The following CSMD1 variants were observed in gnomAD, a reference collection of about 807,000 sequenced individuals.
CSMD1 encodes CUB and sushi domain-containing protein 1.
CSMD1 carries 213 observed loss-of-function variants against 417.5 expected under a neutral mutation model. The ratio of observed to expected loss-of-function variants is 0.51; its 90% CI spans 0.46 to 0.57. The LOEUF (loss-of-function observed/expected upper bound fraction) is 0.57, where lower values mean the gene tolerates loss of function less well. Among genes scored for constraint, CSMD1 ranks in the 20% least tolerant of loss-of-function variants. The pLI is 0.00. For synonymous variants in CSMD1, 2,862 were observed against 1,736.8 expected (o/e 1.65, Z -16.11); for missense variants, 6,923 against 4,529.7 (o/e 1.53, Z -15.17).
chr8:3,315,426 T>A (rs1310699295), intron 23 of CSMD1, among the ~76,000 whole-genome samples: 1 of 102,360 alleles, frequency 9.8e-6, no homozygotes, highest in Non-Finnish European at 2.1e-5. Context: ...AATGAAATTC[T>A]AGGTGAAGTG....
chr8:4,569,023 T>C (rs1262244220), intron 2 of CSMD1, among the ~76,000 whole-genome samples: 1 of 152,190 alleles, frequency 6.6e-6, no homozygotes, highest in Non-Finnish European at 1.5e-5. Context: ...ATTAACTCTT[T>C]GTCAGATGGA....
chr8:3,860,256 C>A (rs922639690), intron 5 of CSMD1, among the ~76,000 whole-genome samples: 1 of 152,196 alleles, frequency 6.6e-6, no homozygotes, highest in Non-Finnish European at 1.5e-5. Context: ...TCAGTCAGAC[C>A]ATTGTGAAGT....
intron 3 of CSMD1, among the ~76,000 whole-genome samples, chr8:4,302,384 G>T (rs4313177): frequency 0.73 from 111,210 of 152,082 alleles, 40,779 homozygotes; most frequent in East Asian, 0.85. Context: ...ATACTATTCA[G>T]GCACTAGTTG....
intron 3 of CSMD1, among the ~76,000 whole-genome samples, chr8:4,082,835 A>C (rs576670227): frequency 7.2e-6 from 1 of 138,034 alleles, no homozygotes; most frequent in Non-Finnish European, 1.5e-5. Flanking sequence ...TCATTATTCA[A>C]TTTCCACCTA....
At chr8:4,814,969 CTCA>C (rs1483454941) in intron 1 of CSMD1, among the ~76,000 whole-genome samples, 2 of 152,002 alleles carry the variant, frequency 1.3e-5, no homozygotes, top group Non-Finnish European at 2.9e-5. Context: ...CTGATGGATC[CTCA>C]TATTTCATAA....
intron 5 of CSMD1, among the ~76,000 whole-genome samples, chr8:3,782,879 T>A (rs912868756): frequency 5.9e-5 from 9 of 152,184 alleles, no homozygotes; most frequent in Non-Finnish European, 1.3e-4. Context: ...TACTATACCG[T>A]GAGCCATTAC....
At chr8:4,067,666 C>G (rs1000426997) in intron 3 of CSMD1, among the ~76,000 whole-genome samples, 3 of 152,122 alleles carry the variant, frequency 2.0e-5, no homozygotes, top group Non-Finnish European at 2.9e-5. Context: ...AAAATGCAGT[C>G]TCACCACCTA....
chr8:4,044,922 A>T (rs1214820739), intron 3 of CSMD1, among the ~76,000 whole-genome samples: 1 of 142,058 alleles, frequency 7.0e-6, no homozygotes, highest in Non-Finnish European at 1.6e-5. Context: ...AGTTAAATTT[A>T]AAAAAATGTC....
chr8:4,204,563 A>G (rs551048721), intron 3 of CSMD1, among the ~76,000 whole-genome samples: 14 of 152,320 alleles, frequency 9.2e-5, no homozygotes, highest in Admixed American at 8.5e-4. Flanking sequence ...CACCTTTTCT[A>G]TACTGAGAGG....
At chr8:3,622,522 A>T (rs1023827441) in intron 7 of CSMD1, among the ~76,000 whole-genome samples, 3 of 152,208 alleles carry the variant, frequency 2.0e-5, no homozygotes, top group Admixed American at 6.5e-5. Flanking sequence ...TTGGGCAAAA[A>T]CACTCTGGAT....
chr8:4,650,351 A>G (rs1803817447), intron 1 of CSMD1, among the ~76,000 whole-genome samples: 1 of 137,486 alleles, frequency 7.3e-6, no homozygotes, highest in Non-Finnish European at 1.5e-5. Flanking sequence ...TCTCAAGAAA[A>G]AAAAAAAAAA....
intron 3 of CSMD1, among the ~76,000 whole-genome samples, chr8:4,063,369 T>G (rs983421362): frequency 1.1e-4 from 16 of 151,998 alleles, no homozygotes; most frequent in African/African-American, 3.6e-4. Flanking sequence ...TATGAAAAAT[T>G]TAAATATCAG....
chr8:3,886,281 T>G (rs534512873), intron 5 of CSMD1, among the ~76,000 whole-genome samples: 1 of 152,278 alleles, frequency 6.6e-6, no homozygotes, highest in African/African-American at 2.4e-5. Context: ...ACTCCTGACC[T>G]CAAGTAATCC....
At chr8:4,687,993 A>G (rs750866727) in intron 1 of CSMD1, among the ~76,000 whole-genome samples, 2 of 152,076 alleles carry the variant, frequency 1.3e-5, no homozygotes, top group African/African-American at 4.8e-5. Context: ...TCTTGATTCT[A>G]TCTGGTGTGT....
At chr8:4,556,677 T>G (rs1023946963) in intron 2 of CSMD1, among the ~76,000 whole-genome samples, 6 of 152,154 alleles carry the variant, frequency 3.9e-5, no homozygotes, top group African/African-American at 9.7e-5. Context: ...ACAACAAAAG[T>G]TTTTTTCCAT....
intron 2 of CSMD1, among the ~76,000 whole-genome samples, chr8:4,599,493 A>C (rs1260420984): frequency 1.3e-5 from 2 of 152,268 alleles, no homozygotes; most frequent in Non-Finnish European, 2.9e-5. Context: ...GGAACTTCTA[A>C]ATTATATAAA....
intron 1 of CSMD1, among the ~76,000 whole-genome samples, chr8:4,661,776 G>A (rs965651864): frequency 1.2e-4 from 18 of 152,230 alleles, no homozygotes; most frequent in Admixed American, 3.9e-4. Context: ...CCATTAAATC[G>A]TAATAATCCT....
chr8:4,581,943 G>C (rs970362258), intron 2 of CSMD1, among the ~76,000 whole-genome samples: 2 of 152,174 alleles, frequency 1.3e-5, no homozygotes, highest in African/African-American at 2.4e-5. Flanking sequence ...GTCAAAGAAA[G>C]AGTTGGGGCT....
At chr8:4,542,931 C>G (rs1325719400) in intron 2 of CSMD1, among the ~76,000 whole-genome samples, 1 of 152,050 alleles carries the variant, frequency 6.6e-6, no homozygotes, top group African/African-American at 2.4e-5. Context: ...TTCAGGGCAC[C>G]TGCCTCCATA....
Sources: gnomAD v4.1 joint callset for allele counts (sites outside exome capture counted in the v4.1 genomes callset) on GRCh38, gnomAD v4.1.1 for gene constraint, MANE v1.5 for transcripts, NCBI Gene and HGNC (gene_info 2026-07-23, HGNC 2026-07-21) for gene names.